The following INSC variants were observed in gnomAD, a reference collection of about 807,000 sequenced individuals.
The protein encoded by INSC is protein inscuteable homolog.
A neutral mutation model predicts 58.6 loss-of-function variants in INSC; 67 were observed. The observed-to-expected ratio is 1.14, with a 90% CI of 0.94 to 1.40. INSC has a LOEUF of 1.40. Among genes scored for constraint, INSC ranks in the 40% most tolerant of loss-of-function variants. The pLI is 0.00. For missense variants in INSC, 714 were observed against 692.0 expected (o/e 1.03, Z -0.36); for synonymous variants, 262 against 276.1 (o/e 0.95, Z 0.51).
intron 2 of INSC, among the ~76,000 whole-genome samples, chr11:15,167,251 G>C (rs1206913772): frequency 2.6e-5 from 4 of 152,052 alleles, no homozygotes; most frequent in African/African-American, 9.7e-5. Flanking sequence ...CTGCTAATAG[G>C]CCAGAGCCTC....
intron 8 of INSC, among the ~76,000 whole-genome samples, chr11:15,225,327 G>A (rs1442614805): frequency 1.3e-5 from 2 of 152,184 alleles, no homozygotes; most frequent in Non-Finnish European, 2.9e-5. Flanking sequence ...CTAGTAAAGT[G>A]TGAGCTCAAC....
chr11:15,182,307 A>T (rs1239118153), intron 5 of INSC, among the ~76,000 whole-genome samples: 2 of 146,782 alleles, frequency 1.4e-5, no homozygotes, highest in East Asian at 4.0e-4. Context: ...TGTAGCCAAT[A>T]AAAAAAAAAG....
rs373145169 is a variant in INSC at position 15,208,867 on chromosome 11, C to T, written c.819+7918C>T. Among the ~76,000 whole-genome samples the T allele has an allele frequency of 9.7e-4, 147 of 152,306 alleles. 3 individuals are homozygous for T. The highest frequency in any genetic ancestry group is 3.4e-3 in the African/African-American group (143 of 41,578). On this transcript the variant is annotated intron_variant, in intron 7 of 12. Coordinates refer to ENST00000379556, the MANE Select transcript of INSC (RefSeq NM_001042536.3). ...ATCAGGCTGCCTGGGGTAGGCTTCT[C>T]CTGGGGCTGTTGAGGCTGGTGGTCT... is the stretch of plus-strand genomic sequence containing the variant.
chr11:15,115,848 T>C (rs1440676026), intron 1 of INSC, among the ~76,000 whole-genome samples: 1 of 152,246 alleles, frequency 6.6e-6, no homozygotes, highest in East Asian at 1.9e-4. Flanking sequence ...GTATGCAACA[T>C]GCACCCACTT....
At chr11:15,255,758 G>A in the INSC span, among the ~76,000 whole-genome samples, 1 of 151,892 alleles carries the variant, frequency 6.6e-6, no homozygotes, top group Non-Finnish European at 1.5e-5. Flanking sequence ...GTGTGTGTGT[G>A]TGTGTGTTAG....
chr11:15,241,531 T>G (rs755420777), intron 12 of INSC: 27 of 701,616 alleles, frequency 3.8e-5, no homozygotes, highest in Non-Finnish European at 6.5e-5. Context: ...CAATAAATGT[T>G]TATGGAATGA....
At chr11:15,163,802 C>T (rs554998859) in intron 2 of INSC, among the ~76,000 whole-genome samples, 32 of 152,258 alleles carry the variant, frequency 2.1e-4, no homozygotes, top group African/African-American at 7.5e-4. Flanking sequence ...CCATATTAGC[C>T]AGGATGGTCT....
chr11:15,225,144 C>T (rs1442419698), intron 8 of INSC, among the ~76,000 whole-genome samples: 1 of 152,158 alleles, frequency 6.6e-6, no homozygotes, highest in Non-Finnish European at 1.5e-5. Context: ...ATGACTGGCC[C>T]CTTTCTTCCC....
intron 3 of INSC, among the ~76,000 whole-genome samples, chr11:15,176,791 T>C (rs550778528): frequency 2.6e-5 from 4 of 152,334 alleles, no homozygotes; most frequent in Admixed American, 2.6e-4. Context: ...GCCCTTTGCC[T>C]CGAACTTTTC....
At position 15,201,529 on chromosome 11, in the gene INSC, G is replaced by A. The variant is rs150082476; in HGVS notation, c.819+580G>A. On this transcript the variant is annotated intron_variant, in intron 7 of 12. Coordinates refer to ENST00000379556, the MANE Select transcript of INSC (RefSeq NM_001042536.3). ...TGATGTGACAGGCTCTAGTGCCTCT[G>A]TTCAAGCCTGATCTATGGTGACATA... Among the ~76,000 whole-genome samples the A allele has an allele frequency of 6.8e-3, 1,028 of 152,290 alleles. 2 individuals carry two copies. The highest frequency in any genetic ancestry group is 0.01 in the Non-Finnish European group (704 of 68,022).
intron 3 of INSC, among the ~76,000 whole-genome samples, chr11:15,176,715 T>G (rs1464834826): frequency 6.6e-6 from 1 of 152,188 alleles, no homozygotes; most frequent in Non-Finnish European, 1.5e-5. Flanking sequence ...AAGCCCAAGG[T>G]GAACCATTAA....
intron 6 of INSC, among the ~76,000 whole-genome samples, chr11:15,193,791 C>T (rs1185386427): frequency 6.6e-6 from 1 of 152,144 alleles, no homozygotes; most frequent in Non-Finnish European, 1.5e-5. Flanking sequence ...ATTTATAATC[C>T]TTTGGGTATA....
chr11:15,249,399 A>G (rs1326575771), downstream of INSC, among the ~76,000 whole-genome samples: 1 of 152,206 alleles, frequency 6.6e-6, no homozygotes, highest in Non-Finnish European at 1.5e-5. Flanking sequence ...TATAGGTAGA[A>G]GCAAATAATA....
Position 15,225,580 on chromosome 11 carries a change from T to C in INSC, c.992-70T>C, listed in dbSNP as rs557483499. 5.1e-4 allele frequency: 751 copies of C among 1,475,058 alleles called. 5 individuals carry two copies. The highest frequency in any genetic ancestry group is 3.8e-3 in the South Asian group (292 of 77,088). The allele number at this position is 1,475,058 out of a possible 1,614,324, so 91.4% of individuals were successfully genotyped here. A position where few individuals can be genotyped will look rare whatever the true frequency, so the allele number is the denominator to read the frequency against. Reference sequence around the variant, plus strand: ...CAAACGATCTCCCAGAGGTATTGTGTGAACCAAATGAGACAAGTGATATGA... The same window carrying C: ...CAAACGATCTCCCAGAGGTATTGTGCGAACCAAATGAGACAAGTGATATGA... On this transcript the variant is annotated intron_variant, in intron 8 of 12. Transcript: ENST00000379556.
intron 12 of INSC, among the ~76,000 whole-genome samples, chr11:15,243,901 T>TC (rs369344591): frequency 0.011 from 1,688 of 147,490 alleles, 36 homozygotes; most frequent in African/African-American, 0.04. Flanking sequence ...TTTTTTTTTT[T>TC]TCCTCCATCT....
chr11:15,266,312 A>C, the INSC span, among the ~76,000 whole-genome samples: 1 of 151,898 alleles, frequency 6.6e-6, no homozygotes, highest in African/African-American at 2.4e-5. Context: ...AAGGACATGC[A>C]CCAGAATAAA....
intron 1 of INSC, among the ~76,000 whole-genome samples, chr11:15,148,730 A>G (rs1209416180): frequency 6.6e-6 from 1 of 152,220 alleles, no homozygotes. Flanking sequence ...AGAATGTAGA[A>G]TTGCCAGTTT....
Position 15,149,207 on chromosome 11 carries a change from C to G in INSC, c.33C>G (p.Asp11Glu), listed in dbSNP as rs1564870112. ...CACTGCCTGGAGGTCGCCACCTGGA[C>G]TCCGTCACCCTGCCGGGTCAGCGGT... The part of the protein sequence containing the change: MMALPGGRHL[D>E]SVTLPGQRLH... Residue 11 changes from aspartate (D) to glutamate (E), a missense_variant, in exon 2 of 13, where the codon GAC becomes GAG. Physicochemically the swap from Asp to Glu is conservative, Grantham distance 45. Coordinates refer to ENST00000379556, the MANE Select transcript of INSC (RefSeq NM_001042536.3). 1.2e-6 allele frequency: 2 copies of G among 1,609,098 alleles called. No individual in the cohort carries two copies. The highest frequency in any genetic ancestry group is 3.4e-5 in the Admixed American group (2 of 58,972).
intron 1 of INSC, among the ~76,000 whole-genome samples, chr11:15,128,268 T>C (rs1848046184): frequency 6.6e-6 from 1 of 152,266 alleles, no homozygotes; most frequent in Non-Finnish European, 1.5e-5. Flanking sequence ...CTGAATTATA[T>C]CTTTCACTCC....
Sources: gnomAD v4.1 joint callset for allele counts (sites outside exome capture counted in the v4.1 genomes callset) on GRCh38, gnomAD v4.1.1 for gene constraint, MANE v1.5 for transcripts, NCBI Gene and HGNC (gene_info 2026-07-23, HGNC 2026-07-21) for gene names.